Variants in MDM2 observed in about 807,000 individuals in gnomAD.
MDM2 encodes E3 ubiquitin-protein ligase Mdm2.
A neutral mutation model predicts 64.3 loss-of-function variants in MDM2; 11 were observed. That is an observed-to-expected ratio of 0.17 (90% CI 0.11 to 0.28). The LOEUF (loss-of-function observed/expected upper bound fraction) is 0.28. Among genes scored for constraint, MDM2 ranks in the 10% least tolerant of loss-of-function variants. The pLI is 1.00. For synonymous variants in MDM2, 194 were observed against 192.9 expected, an observed-to-expected ratio of 1.01 and a Z score of -0.05; for missense variants, 388 against 577.1, an observed-to-expected ratio of 0.67 and a Z score of 3.36.
At chr12:68,850,393 G>T (rs377010913), downstream of MDM2, 76 of 152,062 alleles carry the variant, frequency 5.0e-4, no homozygotes, top group African/African-American at 1.7e-3. Context: ...TGAAAACAGA[G>T]AAACTATTTC....
At chr12:68,833,271 ATT>A (rs1882991375) in intron 8 of MDM2, among the ~76,000 whole-genome samples, 1 of 108,882 alleles carries the variant, frequency 9.2e-6, no homozygotes, top group Non-Finnish European at 2.0e-5. Flanking sequence ...ATAATTATAT[ATT>A]TATATAAATA....
At chr12:68,818,547 T>TATATATTATAATATACATATA (rs1881580185) in intron 4 of MDM2, among the ~76,000 whole-genome samples, 1 of 146,316 alleles carries the variant, frequency 6.8e-6, no homozygotes, top group African/African-American at 2.6e-5. Flanking sequence ...ATTTGTATAT[T>TATATATTATAATATACATATA]ATATATTATA....
At chr12:68,828,312 G>A (rs1215281381) in intron 7 of MDM2, 1 of 152,892 alleles carries the variant, frequency 6.5e-6, no homozygotes, top group Non-Finnish European at 1.5e-5. Context: ...AGATTAAATT[G>A]TGATGTATGG....
chr12:68,816,130 A>C (rs1030728924), intron 3 of MDM2, among the ~76,000 whole-genome samples: 6 of 152,112 alleles, frequency 3.9e-5, no homozygotes, highest in African/African-American at 1.4e-4. Flanking sequence ...ACTATTTACT[A>C]AGTGGCTCCA....
intron 7 of MDM2, among the ~76,000 whole-genome samples, chr12:68,827,127 G>A (rs867145462): frequency 2.6e-5 from 4 of 152,066 alleles, no homozygotes; most frequent in East Asian, 1.9e-4. Flanking sequence ...GCAGTGTGCC[G>A]AGATTGTGCC....
intron 5 of MDM2, 172 bp downstream of exon 5, chr12:68,820,546 C>A: frequency 1.7e-6 from 1 of 582,584 alleles, no homozygotes; most frequent in East Asian, 3.0e-5. Context: ...AAACCACATA[C>A]TGAGGTTCTA....
At chr12:68,820,424 G>A in intron 5 of MDM2, 50 bp downstream of exon 5, 3 of 1,424,348 alleles carry the variant, frequency 2.1e-6, no homozygotes, top group Non-Finnish European at 2.9e-6. Context: ...ACGTTTTAAA[G>A]ACATTTTTGT....
intron 8 of MDM2, among the ~76,000 whole-genome samples, chr12:68,833,421 A>G (rs1269472178): frequency 2.1e-5 from 3 of 142,094 alleles, no homozygotes; most frequent in African/African-American, 7.7e-5. Context: ...TATATTTTAA[A>G]TATTTATTTT....
intron 2 of MDM2, among the ~76,000 whole-genome samples, chr12:68,809,822 G>A (rs747476222): frequency 6.6e-6 from 1 of 152,144 alleles, no homozygotes. Flanking sequence ...TCTGTGACTT[G>A]CATCCTTGTC....
chr12:68,808,335 C>A lies in MDM2; in HGVS notation c.-143C>A. On this transcript the variant is annotated 5_prime_UTR_variant, in exon 1 of 11. Coordinates refer to ENST00000258149, the MANE Select transcript of MDM2 (RefSeq NM_002392.6). ...CGCAGCCAGGAGCACCGTCCCTCCCCGGATTAGTGCGTACGAGCGCCCAGT... is the reference window on the plus strand; with the variant it reads ...CGCAGCCAGGAGCACCGTCCCTCCCAGGATTAGTGCGTACGAGCGCCCAGT... 1.9e-6 allele frequency: 2 copies of A among 1,072,900 alleles called. No individual in the cohort carries two copies. Among genetic ancestry groups the A allele is most frequent in the Non-Finnish European group, 2.8e-6 (2 of 716,184 alleles). The allele number at this position is 1,072,900 out of a possible 1,614,324, so 66.5% of individuals were successfully genotyped here.
In MDM2 at chr12:68,828,854, C is replaced by G; in HGVS notation, c.607C>G (p.Leu203Val). ...TATTTCCCTTTCCTTTGATGAAAGC[C>G]TGGCTCTGTGTGTAATAAGGGAGAT... ...DSISLSFDES[L>V]ALCVIREICC... The change falls in exon 8 of 11, where the codon CTG becomes GTG. Residue 203 changes from leucine to valine, a missense_variant. By Grantham distance (32) the Leu-to-Val change is conservative. Around this residue, in one of 5 missense-constraint regions of MDM2, gnomAD observed 168 missense variants for 236.6 expected, o/e 0.71. Coordinates refer to ENST00000258149, the MANE Select transcript of MDM2 (RefSeq NM_002392.6). The G allele has an allele frequency of 1.9e-6, 3 of 1,613,966 alleles. No individual in the cohort carries two copies. Among genetic ancestry groups the G allele is most frequent in the Non-Finnish European group, 2.5e-6 (3 of 1,179,958 alleles).
chr12:68,849,751 TAC>T (rs1282121049), downstream of MDM2: 2 of 151,538 alleles, frequency 1.3e-5, no homozygotes, highest in Non-Finnish European at 2.9e-5. Context: ...GTGCTGGGAT[TAC>T]AGACATGAGC....
At position 68,843,527 on chromosome 12, in the gene MDM2, T is replaced by C. The variant is rs568094553; in HGVS notation, c.*3678T>C. On this transcript the variant is annotated 3_prime_UTR_variant, in exon 11 of 11. Transcript: ENST00000258149. ...TAACTTCTTGATTTATATTTAAATA[T>C]GAATCTTAAGCAAAACAGTGAAAAT... The C allele has an allele frequency of 4.4e-5, 10 of 226,532 alleles. No individual in the cohort carries two copies. The highest frequency in any genetic ancestry group is 2.0e-4 in the African/African-American group (9 of 45,022). 14.0% of individuals were successfully genotyped at this position (226,532 alleles called of 1,614,324 possible).
intron 3 of MDM2, 55 bp downstream of exon 3, chr12:68,813,683 A>T: frequency 7.6e-7 from 1 of 1,314,458 alleles, no homozygotes; most frequent in Non-Finnish European, 1.1e-6. Context: ...AGCCATACTT[A>T]AAGTTTTCAA....
At chr12:68,830,465 T>C (rs552274922) in intron 8 of MDM2, among the ~76,000 whole-genome samples, 2 of 152,204 alleles carry the variant, frequency 1.3e-5, no homozygotes, top group Non-Finnish European at 2.9e-5. Context: ...TGTAGATATT[T>C]AAGTTTATAC....
chr12:68,814,084 G>A (rs150491658), intron 3 of MDM2, among the ~76,000 whole-genome samples: 4 of 152,266 alleles, frequency 2.6e-5, no homozygotes, highest in African/African-American at 7.2e-5. Flanking sequence ...ACGAAGTCTC[G>A]CTCTGTCACC....
Position 68,841,558 on chromosome 12 carries a change from C to T in MDM2, c.*1709C>T, listed in dbSNP as rs1395209713. ...AGATTACATCAGGCCCTTTTTCACACACAAAAAAATCCTTTATGGGATTTA... is the reference window on the plus strand; with the variant it reads ...AGATTACATCAGGCCCTTTTTCACATACAAAAAAATCCTTTATGGGATTTA... On this transcript the variant is annotated 3_prime_UTR_variant, in exon 11 of 11. Coordinates refer to ENST00000258149, the MANE Select transcript of MDM2 (RefSeq NM_002392.6). The T allele has an allele frequency of 4.8e-6, 1 of 208,842 alleles. No homozygotes were observed. Among genetic ancestry groups the T allele is most frequent in the Non-Finnish European group, 9.7e-6 (1 of 102,884 alleles). 12.9% of individuals were successfully genotyped at this position (208,842 alleles called of 1,614,324 possible).
intron 5 of MDM2, among the ~76,000 whole-genome samples, chr12:68,822,644 T>C (rs1280696980): frequency 2.0e-5 from 3 of 152,224 alleles, no homozygotes; most frequent in Non-Finnish European, 4.4e-5. Flanking sequence ...AATTGTATTA[T>C]TGAGATGGAA....
rs746910913 is a variant in MDM2, at chr12:68,839,309, T to TC, written c.961dup (p.Leu321ProfsTer13). The TC allele has an allele frequency of 6.2e-7, 1 of 1,613,480 alleles. No individual in the cohort carries two copies. The highest frequency in any genetic ancestry group is 8.5e-7 in the Non-Finnish European group (1 of 1,179,830). ...AATGCACTTCATGCAATGAAATGAA[T>TC]CCCCCCCTTCCATCACATTGCAACA... On this transcript the variant is annotated frameshift_variant, in exon 11 of 11. Transcript: ENST00000258149. LOFTEE classifies it high-confidence loss of function.
Sources: allele counts gnomAD v4.1 joint callset (sites outside exome capture counted in the v4.1 genomes callset), GRCh38; gene constraint gnomAD v4.1.1; regional missense constraint gnomAD v4.1.1; transcripts MANE v1.5; gene names NCBI Gene and HGNC (gene_info 2026-07-23, HGNC 2026-07-21).